Variants in HNF4G observed in about 807,000 individuals in gnomAD.
HNF4G encodes the protein hepatocyte nuclear factor 4 gamma.
HNF4G carries 21 observed loss-of-function variants against 50.9 expected under a neutral mutation model. The observed-to-expected ratio is 0.41, with a 90% confidence interval of 0.29 to 0.59. HNF4G has a LOEUF of 0.59. Ranked by LOEUF, HNF4G falls within the 20% of genes least tolerant of loss-of-function variation. The probability of loss-of-function intolerance (pLI) is 0.26; values close to 1 mark genes in which losing one functional copy is unlikely to be tolerated. For synonymous variants in HNF4G, 198 were observed against 185.6 expected (o/e 1.07, Z -0.54); for missense variants, 527 against 559.4 (o/e 0.94, Z 0.58).
At chr8:75,529,450 C>T (rs1185277484) in intron 2 of HNF4G, among the ~76,000 whole-genome samples, 1 of 151,974 alleles carries the variant, frequency 6.6e-6, no homozygotes, top group Non-Finnish European at 1.5e-5. Flanking sequence ...ATCATCTTAG[C>T]TGTAGGCAAA....
intron 2 of HNF4G, among the ~76,000 whole-genome samples, chr8:75,515,392 G>A (rs758083250): frequency 1.3e-5 from 2 of 151,968 alleles, no homozygotes; most frequent in Non-Finnish European, 2.9e-5. Flanking sequence ...ACAACCAATA[G>A]GACACACACA....
chr8:75,521,922 G>C (rs563682266), intron 2 of HNF4G, among the ~76,000 whole-genome samples: 25 of 152,232 alleles, frequency 1.6e-4, no homozygotes, highest in African/African-American at 5.8e-4. Flanking sequence ...GGATTTTTGG[G>C]TTTATTATGA....
rs553518843 is a variant in HNF4G at position 75,463,602 on chromosome 8, T to C, written c.-143-26487T>C. On this transcript the variant is annotated intron_variant, in intron 1 of 10. Coordinates refer to the HNF4G transcript ENST00000354370. ...ATAATATGGGTAAGCATTCATTTTT[T>C]TTTTCAACAGAGTCTATACTCTTCA... 1.9e-4 allele frequency among the ~76,000 whole-genome samples: 29 copies of C among 152,226 alleles called. No homozygotes were observed. The South Asian group carries it at 6.0e-3, about 31-fold the overall frequency.
intron 1 of HNF4G, among the ~76,000 whole-genome samples, chr8:75,434,072 C>T (rs1200706066): frequency 2.1e-5 from 3 of 141,954 alleles, no homozygotes; most frequent in South Asian, 2.3e-4. Flanking sequence ...GGTGTGATCT[C>T]GGCTCACTAC....
chr8:75,412,960 G>A (rs889739674), intron 1 of HNF4G, among the ~76,000 whole-genome samples: 2 of 151,964 alleles, frequency 1.3e-5, no homozygotes, highest in African/African-American at 2.4e-5. Flanking sequence ...AAGCAAAAAG[G>A]GTACATTTAG....
At chr8:75,512,651 A>T (rs531743920) in intron 2 of HNF4G, among the ~76,000 whole-genome samples, 2 of 151,848 alleles carry the variant, frequency 1.3e-5, no homozygotes, top group South Asian at 4.2e-4. Flanking sequence ...TTTTTAGTAG[A>T]GATGGGGTTT....
intron 1 of HNF4G, among the ~76,000 whole-genome samples, chr8:75,451,621 C>A (rs1470089006): frequency 6.6e-6 from 1 of 152,104 alleles, no homozygotes; most frequent in African/African-American, 2.4e-5. Flanking sequence ...ATTTTGTGTT[C>A]TTGGCATCTT....
chr8:75,412,698 G>A (rs758599320), intron 1 of HNF4G, among the ~76,000 whole-genome samples: 5 of 151,812 alleles, frequency 3.3e-5, no homozygotes, highest in Non-Finnish European at 7.4e-5. Flanking sequence ...GCTGACTGAA[G>A]ATTATGGACT....
chr8:75,501,195 A>G (rs1585899457), intron 2 of HNF4G, among the ~76,000 whole-genome samples: 1 of 152,214 alleles, frequency 6.6e-6, no homozygotes, highest in Middle Eastern at 3.4e-3. Flanking sequence ...ATCCCAGCAC[A>G]TTGGGAGGCC....
chr8:75,484,774 T>C (rs1812459955), intron 1 of HNF4G, among the ~76,000 whole-genome samples: 1 of 152,212 alleles, frequency 6.6e-6, no homozygotes, highest in African/African-American at 2.4e-5. Context: ...CAGTAAACAT[T>C]TGTTGAGGAA....
chr8:75,409,267 G>C (rs937892276), intron 1 of HNF4G, among the ~76,000 whole-genome samples: 1 of 152,058 alleles, frequency 6.6e-6, no homozygotes, highest in African/African-American at 2.4e-5. Flanking sequence ...CTAAGCTCCA[G>C]TTATGGGCCC....
intron 1 of HNF4G, among the ~76,000 whole-genome samples, chr8:75,488,010 T>C (rs117632840): frequency 0.029 from 4,411 of 152,254 alleles, 99 homozygotes; most frequent in Non-Finnish European, 0.043. Flanking sequence ...GAGAATAGCA[T>C]GAGGGTAACC....
intron 9 of HNF4G, among the ~76,000 whole-genome samples, chr8:75,561,050 A>G (rs1294445221): frequency 2.0e-5 from 3 of 151,648 alleles, no homozygotes; most frequent in Non-Finnish European, 4.4e-5. Flanking sequence ...TGAAACTTAC[A>G]TTAGGAAGTG....
rs61003427 is a variant in HNF4G, at chr8:75,556,074, G to GT, written c.733+17dup. On this transcript the variant is annotated splice_donor_region_variant and intron_variant, in intron 6 of 9. Transcript: ENST00000396423. ...ATAAAGATATTTTGCTTTTGGGTAA[G>GT]TTTTTTTTTTTTAATTTAAGAAGAA... 23,670 of 1,233,042 alleles carry GT rather than the reference G, an allele frequency of 0.019. No individual in the cohort carries two copies. Among genetic ancestry groups the GT allele is most frequent in the South Asian group, 0.03 (2,051 of 67,570 alleles). 76.4% of individuals were successfully genotyped at this position (1,233,042 alleles called of 1,614,324 possible). A position where few individuals can be genotyped will look rare whatever the true frequency, so the allele number is the denominator to read the frequency against.
At chr8:75,551,536 C>A (rs1306005548) in intron 4 of HNF4G, 42 bp downstream of exon 4, 2 of 1,178,872 alleles carry the variant, frequency 1.7e-6, no homozygotes, top group Non-Finnish European at 2.5e-6. Flanking sequence ...TTAATAAAAT[C>A]AAATGTCCAT....
intron 1 of HNF4G, among the ~76,000 whole-genome samples, chr8:75,479,098 GC>G (rs780327115): frequency 4.1e-4 from 62 of 152,144 alleles, no homozygotes; most frequent in Non-Finnish European, 8.1e-4. Flanking sequence ...TATTTGTTAA[GC>G]ACAGTATTAT....
chr8:75,550,713 TA>T (rs1447802506), intron 3 of HNF4G, among the ~76,000 whole-genome samples: 1 of 144,002 alleles, frequency 6.9e-6, no homozygotes, highest in Non-Finnish European at 1.5e-5. Context: ...TTTTTTTTTT[TA>T]ACCCTGAAGT....
intron 5 of HNF4G, among the ~76,000 whole-genome samples, 196 bp downstream of exon 5, chr8:75,553,393 G>C (rs1176524479): frequency 6.6e-6 from 1 of 152,098 alleles, no homozygotes; most frequent in Non-Finnish European, 1.5e-5. Flanking sequence ...TTCTATTTTA[G>C]GGGTGTAGCA....
chr8:75,518,013 G>C (rs1245473038), intron 2 of HNF4G, among the ~76,000 whole-genome samples: 3 of 150,968 alleles, frequency 2.0e-5, no homozygotes, highest in Non-Finnish European at 4.4e-5. Flanking sequence ...TATACTTTAA[G>C]TTTTAGGGTA....
Sources: gnomAD v4.1 joint callset for allele counts (sites outside exome capture counted in the v4.1 genomes callset) on GRCh38, gnomAD v4.1.1 for gene constraint, MANE v1.5 for transcripts, NCBI Gene and HGNC (gene_info 2026-07-23, HGNC 2026-07-21) for gene names.